The following FAM135A variants were observed in gnomAD, a reference collection of about 807,000 sequenced individuals.
FAM135A encodes family with sequence similarity 135 member A.
In FAM135A, 79 loss-of-function variants were observed where a neutral mutation model predicts 146.8. That is an observed-to-expected ratio of 0.54 (90% CI 0.45 to 0.65). FAM135A has a LOEUF of 0.65. Among genes scored for constraint, FAM135A ranks in the 30% least tolerant of loss-of-function variants. The probability of loss-of-function intolerance (pLI) is 0.00; values close to 1 mark genes in which losing one functional copy is unlikely to be tolerated. For synonymous variants in FAM135A, 562 were observed against 603.6 expected, an observed-to-expected ratio of 0.93 and a Z score of 1.01; for missense variants, 1,623 against 1,758.2, an observed-to-expected ratio of 0.92 and a Z score of 1.38.
intron 10 of FAM135A, among the ~76,000 whole-genome samples, chr6:70,483,017 T>A (rs893505072): frequency 6.6e-6 from 1 of 152,188 alleles, no homozygotes; most frequent in African/African-American, 2.4e-5. Context: ...AGGATTTCAG[T>A]CTTTTAACAA....
At chr6:70,510,864 C>T (rs1790834016) in intron 12 of FAM135A, among the ~76,000 whole-genome samples, 1 of 152,058 alleles carries the variant, frequency 6.6e-6, no homozygotes, top group South Asian at 2.1e-4. Flanking sequence ...ACAGCAGCTG[C>T]ACCACCTTAC....
At position 70,524,915 on chromosome 6, in the gene FAM135A, A is replaced by G. The variant is rs774288459; in HGVS notation, c.1831A>G (p.Asn611Asp). Reference protein sequence around the residue: ...LNSGNLNLCANLSISGKLDIS... With the variant: ...LNSGNLNLCADLSISGKLDIS... ...CTCTGGCAACCTAAATCTTTGTGCA[A>G]ATTTGTCCATTTCAGGTAAACTTGA... is the stretch of plus-strand genomic sequence containing the variant. Residue 611 changes from asparagine (N) to aspartate (D), a missense_variant, in exon 15 of 22, where the codon AAT (asparagine) becomes GAT (aspartate). By Grantham distance (23) the Asn-to-Asp change is conservative. Coordinates refer to ENST00000418814, the MANE Select transcript of FAM135A (RefSeq NM_001162529.3). 1.2e-6 allele frequency: 2 copies of G among 1,612,186 alleles called. No individual in the cohort carries two copies. Among genetic ancestry groups the G allele is most frequent in the South Asian group, 2.2e-5 (2 of 90,580 alleles).
intron 12 of FAM135A, among the ~76,000 whole-genome samples, chr6:70,511,922 G>T (rs1281266150): frequency 2.0e-5 from 3 of 151,782 alleles, no homozygotes; most frequent in Admixed American, 6.6e-5. Flanking sequence ...CATAGAAAAG[G>T]TACAGTAAAA....
chr6:70,464,667 CT>C (rs533623758), intron 5 of FAM135A, among the ~76,000 whole-genome samples: 58 of 99,354 alleles, frequency 5.8e-4, no homozygotes, highest in Admixed American at 1.7e-3. Flanking sequence ...TCTTTTTTTT[CT>C]TTTTTTTTTT....
chr6:70,548,951 G>A (rs1026560859), intron 20 of FAM135A, among the ~76,000 whole-genome samples: 1 of 151,862 alleles, frequency 6.6e-6, no homozygotes, highest in Non-Finnish European at 1.5e-5. Context: ...ATATATATAT[G>A]GAAGGCCAAT....
chr6:70,538,511 C>T, intron 20 of FAM135A, 110 bp downstream of exon 20: 1 of 535,368 alleles, frequency 1.9e-6, no homozygotes, highest in Non-Finnish European at 3.0e-6. Flanking sequence ...AAAAAAGTGT[C>T]ATTCTACTGT....
intron 20 of FAM135A, among the ~76,000 whole-genome samples, chr6:70,538,800 G>GTTATATTATA (rs1272344414): frequency 0.012 from 1,452 of 123,520 alleles, 11 homozygotes; most frequent in Middle Eastern, 0.02. Context: ...TTCATATTAT[G>GTTATATTATA]TTATGTTATA....
chr6:70,529,179 T>G (rs1795298606), intron 16 of FAM135A, among the ~76,000 whole-genome samples: 1 of 152,090 alleles, frequency 6.6e-6, no homozygotes, highest in Non-Finnish European at 1.5e-5. Flanking sequence ...AAGTTAAAAT[T>G]TCATTAATTA....
intron 3 of FAM135A, among the ~76,000 whole-genome samples, chr6:70,427,994 T>C (rs1349266261): frequency 6.6e-6 from 1 of 152,190 alleles, no homozygotes; most frequent in African/African-American, 2.4e-5. Flanking sequence ...AGTTCCTATC[T>C]ATAAGAGATA....
chr6:70,415,688 A>G (rs1435368076), intron 2 of FAM135A, among the ~76,000 whole-genome samples: 2 of 152,174 alleles, frequency 1.3e-5, no homozygotes, highest in Non-Finnish European at 2.9e-5. Context: ...AAAAAAGTAA[A>G]TGCCTACAAA....
chr6:70,540,318 C>CTTTTTTTTTTTT (rs1190614826), intron 20 of FAM135A, among the ~76,000 whole-genome samples: 5 of 81,540 alleles, frequency 6.1e-5, no homozygotes, highest in African/African-American at 2.1e-4. Context: ...ATTCCTGCTA[C>CTTTTTTTTTTTT]TTTTTTTTTT....
chr6:70,548,934 A>C (rs1799321949), intron 20 of FAM135A, among the ~76,000 whole-genome samples: 1 of 151,814 alleles, frequency 6.6e-6, no homozygotes, highest in South Asian at 2.1e-4. Context: ...ATTAAAAATT[A>C]AAAAATATAT....
chr6:70,551,042 CT>C (rs1799736510), intron 20 of FAM135A, among the ~76,000 whole-genome samples: 1 of 152,200 alleles, frequency 6.6e-6, no homozygotes, highest in Non-Finnish European at 1.5e-5. Flanking sequence ...AGTTAGGGTC[CT>C]GCTCTGGATT....
intron 5 of FAM135A, among the ~76,000 whole-genome samples, chr6:70,470,116 A>G (rs78830342): frequency 0.052 from 7,856 of 152,258 alleles, 545 homozygotes; most frequent in African/African-American, 0.16. Flanking sequence ...TTGAGAGTTG[A>G]CCTTTGGATT....
intron 5 of FAM135A, among the ~76,000 whole-genome samples, chr6:70,473,917 T>G (rs11965656): frequency 0.18 from 26,888 of 152,170 alleles, 2,471 homozygotes; most frequent in Middle Eastern, 0.22. Context: ...ATCTAACTTG[T>G]GTTCCAACCC....
Position 70,415,250 on chromosome 6 carries a change from G to A in FAM135A, c.-219-41G>A, listed in dbSNP as rs1008594216. 8 of 152,166 alleles carry A rather than the reference G, an allele frequency of 5.3e-5. No individual in the cohort carries two copies. The South Asian group carries it at 6.2e-4, about 12-fold the overall frequency. 9.4% of individuals were successfully genotyped at this position (152,166 alleles called of 1,614,324 possible). ...ATAGTATCTTATTTTGAAGGCATCT[G>A]CTGAAGCAATTATGTTTAGTGAAGT... On this transcript the variant is annotated intron_variant, in intron 1 of 21. Transcript: ENST00000418814.
At chr6:70,425,744 C>G (rs10080714) in intron 2 of FAM135A, among the ~76,000 whole-genome samples, 3,230 of 152,268 alleles carry the variant, frequency 0.021, 109 homozygotes, top group African/African-American at 0.074. Context: ...TGCATACATG[C>G]ACACACATAC....
intron 4 of FAM135A, among the ~76,000 whole-genome samples, chr6:70,433,321 G>T (rs971134555): frequency 6.6e-6 from 1 of 151,940 alleles, no homozygotes; most frequent in East Asian, 1.9e-4. Flanking sequence ...TGATCCGCCC[G>T]CCTCGGCGTC....
chr6:70,515,289 A>G (rs1397919294), intron 12 of FAM135A, among the ~76,000 whole-genome samples: 1 of 152,224 alleles, frequency 6.6e-6, no homozygotes, highest in Non-Finnish European at 1.5e-5. Flanking sequence ...TTGAAAATTT[A>G]TGTCCACACA....
Sources: gnomAD v4.1 joint callset for allele counts (sites outside exome capture counted in the v4.1 genomes callset) on GRCh38, gnomAD v4.1.1 for gene constraint, MANE v1.5 for transcripts, NCBI Gene and HGNC (gene_info 2026-07-23, HGNC 2026-07-21) for gene names.